The following M1AP variants were observed in gnomAD, a reference collection of about 807,000 sequenced individuals.
M1AP encodes meiosis 1 associated protein.
M1AP carries 39 observed loss-of-function variants against 51.2 expected under a neutral mutation model. The observed-to-expected ratio is 0.76, with a 90% CI of 0.59 to 1.00. The LOEUF is 1.00. Among genes scored for constraint, M1AP ranks in the 50% least tolerant of loss-of-function variants. The pLI is 0.00. For synonymous variants in M1AP, 251 were observed against 249.2 expected, an observed-to-expected ratio of 1.01 and a Z score of -0.07; for missense variants, 545 against 641.2, an observed-to-expected ratio of 0.85 and a Z score of 1.62.
intron 2 of M1AP, among the ~76,000 whole-genome samples, chr2:74,633,353 G>A (rs531332192): frequency 3.2e-4 from 48 of 152,192 alleles, no homozygotes; most frequent in South Asian, 1.9e-3. Context: ...TCAGTTTGGC[G>A]AGAATCCCCT....
intron 2 of M1AP, chr2:74,615,665 G>C (rs1681624941): frequency 6.5e-6 from 1 of 154,516 alleles, no homozygotes; most frequent in African/African-American, 2.4e-5. Flanking sequence ...AGATATTTGG[G>C]TTAGTCTGCA....
At chr2:74,559,352 G>A (rs557288653) in intron 10 of M1AP, among the ~76,000 whole-genome samples, 1 of 152,174 alleles carries the variant, frequency 6.6e-6, no homozygotes, top group African/African-American at 2.4e-5. Context: ...TAGAGACGAG[G>A]TTTTGCCATG....
At chr2:74,616,138 G>A (rs1012437571) in intron 2 of M1AP, among the ~76,000 whole-genome samples, 12 of 152,072 alleles carry the variant, frequency 7.9e-5, no homozygotes, top group East Asian at 1.9e-4. Context: ...AATCTAGAAA[G>A]GAAAATAAGA....
At chr2:74,584,790 T>C (rs1265943066) in intron 4 of M1AP, among the ~76,000 whole-genome samples, 1 of 147,730 alleles carries the variant, frequency 6.8e-6, no homozygotes, top group African/African-American at 2.5e-5. Flanking sequence ...GCTGTAGCCT[T>C]ATTGATGTTA....
intron 7 of M1AP, among the ~76,000 whole-genome samples, chr2:74,572,251 G>C (rs1678790518): frequency 6.6e-6 from 1 of 152,186 alleles, no homozygotes; most frequent in South Asian, 2.1e-4. Flanking sequence ...ATCCAGAGTA[G>C]GGAATTTAGC....
chr2:74,613,380 G>A (rs1452486817), intron 3 of M1AP, among the ~76,000 whole-genome samples: 3 of 152,168 alleles, frequency 2.0e-5, no homozygotes, highest in African/African-American at 7.2e-5. Context: ...GCTATAAGCA[G>A]GCCTTTAGTA....
At position 74,591,973 on chromosome 2, in the gene M1AP, TA is replaced by T. The variant is rs541557453; in HGVS notation, c.596-10127del. On this transcript the variant is annotated intron_variant, in intron 4 of 10. Coordinates refer to ENST00000421985, the MANE Select transcript of M1AP (RefSeq NM_001321739.2). ...GCTAACTTTTTATTTTATTTTATTT[TA>T]TTTTTTTTCAGTAGAGAAGGGGTTT... Among the ~76,000 whole-genome samples, 100 of 152,122 alleles carry T rather than the reference TA, an allele frequency of 6.6e-4. 1 individual carries two copies. Among genetic ancestry groups the T allele is most frequent in the African/African-American group, 2.2e-3 (92 of 41,474 alleles).
At chr2:74,591,146 C>T (rs751494526) in intron 4 of M1AP, among the ~76,000 whole-genome samples, 2 of 152,182 alleles carry the variant, frequency 1.3e-5, no homozygotes, top group Admixed American at 6.5e-5. Flanking sequence ...AAGCCGCCTC[C>T]CAGCTGTCTA....
intron 4 of M1AP, among the ~76,000 whole-genome samples, chr2:74,595,949 A>G (rs1445039037): frequency 6.6e-6 from 1 of 152,220 alleles, no homozygotes; most frequent in Non-Finnish European, 1.5e-5. Flanking sequence ...ATATACTGTA[A>G]TCCATAGAGA....
At chr2:74,629,708 T>C (rs978045103) in intron 2 of M1AP, among the ~76,000 whole-genome samples, 2 of 151,594 alleles carry the variant, frequency 1.3e-5, no homozygotes, top group African/African-American at 4.9e-5. Flanking sequence ...GCTGAGAACA[T>C]GCCACTGCAC....
At chr2:74,582,195 C>A (rs1285863112) in intron 4 of M1AP, among the ~76,000 whole-genome samples, 2 of 152,208 alleles carry the variant, frequency 1.3e-5, no homozygotes, top group African/African-American at 4.8e-5. Context: ...CTCAGCCTCA[C>A]AGGTAGCTGG....
chr2:74,640,459 T>C (rs1439580845), intron 1 of M1AP, 132 bp from the exon 2 acceptor site: 3 of 687,372 alleles, frequency 4.4e-6, no homozygotes, highest in Non-Finnish European at 6.9e-6. Context: ...GTCCAGGCCA[T>C]CCTATTTTTT....
chr2:74,576,672 TG>T, intron 5 of M1AP, 54 bp from the exon 6 acceptor site: 2 of 1,589,462 alleles, frequency 1.3e-6, no homozygotes, highest in South Asian at 2.2e-5. Context: ...GGAAGGATTG[TG>T]GGTAATAAGT....
intron 4 of M1AP, among the ~76,000 whole-genome samples, chr2:74,594,828 G>T (rs1431308096): frequency 1.3e-5 from 2 of 152,158 alleles, no homozygotes; most frequent in Non-Finnish European, 2.9e-5. Context: ...GCGGTGAATT[G>T]TGATCACGCT....
intron 4 of M1AP, among the ~76,000 whole-genome samples, chr2:74,584,470 AAGAAAC>A (rs1558660302): frequency 3.3e-5 from 5 of 151,528 alleles, no homozygotes; most frequent in South Asian, 4.1e-4. Flanking sequence ...AAAAAAGAAA[AAGAAAC>A]AGAATTGAGC....
At position 74,608,010 on chromosome 2, in the gene M1AP, T is replaced by C. The variant is rs142525755; in HGVS notation, c.427-787A>G. Among the ~76,000 whole-genome samples, 7 of 152,272 alleles carry C rather than the reference T, an allele frequency of 4.6e-5. No homozygotes were observed. In the East Asian group the frequency reaches 1.4e-3, roughly 29 times the overall value. Reference sequence around the variant, plus strand: ...TAGCCCATATACCCCTTGTCCCACATATACATGGCCTCCCTCATTATCAGT... The same window carrying C: ...TAGCCCATATACCCCTTGTCCCACACATACATGGCCTCCCTCATTATCAGT... On this transcript the variant is annotated intron_variant, in intron 3 of 10. Transcript: ENST00000421985.
chr2:74,563,327 C>T (rs898207816), intron 7 of M1AP, among the ~76,000 whole-genome samples: 3 of 151,918 alleles, frequency 2.0e-5, no homozygotes, highest in Non-Finnish European at 4.4e-5. Context: ...GGGCCGGGAG[C>T]GGTGGCACAC....
intron 7 of M1AP, among the ~76,000 whole-genome samples, chr2:74,573,470 G>A (rs1020793930): frequency 6.6e-6 from 1 of 151,682 alleles, no homozygotes; most frequent in African/African-American, 2.4e-5. Context: ...CTCATGTCTC[G>A]GCCTCCTGAG....
chr2:74,620,145 A>T (rs1488218238), intron 2 of M1AP, among the ~76,000 whole-genome samples: 1 of 152,208 alleles, frequency 6.6e-6, no homozygotes, highest in African/African-American at 2.4e-5. Flanking sequence ...AATAGTGGGA[A>T]TATTAACCTT....
Sources: allele counts gnomAD v4.1 joint callset (sites outside exome capture counted in the v4.1 genomes callset), GRCh38; gene constraint gnomAD v4.1.1; transcripts MANE v1.5; gene names NCBI Gene and HGNC (gene_info 2026-07-23, HGNC 2026-07-21).